Variants in STXBP6 observed in about 807,000 individuals in gnomAD.
STXBP6 encodes the protein syntaxin binding protein 6.
A neutral mutation model predicts 26.9 loss-of-function variants in STXBP6; 21 were observed. The observed-to-expected ratio is 0.78, with a 90% confidence interval of 0.55 to 1.12. The LOEUF is 1.12. Ranked by LOEUF, STXBP6 falls within the 50% of genes most tolerant of loss-of-function variation. STXBP6 has a pLI of 0.00. For synonymous variants in STXBP6, 97 were observed against 92.6 expected (o/e 1.05, Z -0.27); for missense variants, 232 against 257.9 (o/e 0.90, Z 0.69).
rs189549220 is a variant in STXBP6, at chr14:25,005,079, T to A, written c.-32-30229A>T. On this transcript the variant is annotated intron_variant, in intron 1 of 5. Transcript: ENST00000323944. ...CTGATCATAATCCCAAAAGACACAATCTCAGTGAAATCTCAAAATCCTGCA... is the reference window on the plus strand; with the variant it reads ...CTGATCATAATCCCAAAAGACACAAACTCAGTGAAATCTCAAAATCCTGCA... Among the ~76,000 whole-genome samples, 20 of 152,094 alleles carry A rather than the reference T, an allele frequency of 1.3e-4. No individual in the cohort carries two copies. In the East Asian group the frequency reaches 3.3e-3, roughly 25 times the overall value.
intron 2 of STXBP6, among the ~76,000 whole-genome samples, chr14:24,965,314 C>CA (rs950522539): frequency 8.1e-6 from 1 of 123,840 alleles, no homozygotes; most frequent in Non-Finnish European, 1.7e-5. Flanking sequence ...GCCTGTCATA[C>CA]ATACATATTA....
At chr14:24,942,580 T>C (rs4561376) in intron 2 of STXBP6, among the ~76,000 whole-genome samples, 14,537 of 152,236 alleles carry the variant, frequency 0.095, 917 homozygotes, top group East Asian at 0.26. Context: ...TCCAAGATAA[T>C]CAAACAGCTG....
At chr14:24,950,165 C>A (rs911152973) in intron 2 of STXBP6, among the ~76,000 whole-genome samples, 1 of 152,144 alleles carries the variant, frequency 6.6e-6, no homozygotes, top group East Asian at 1.9e-4. Flanking sequence ...ACCCTCCCTG[C>A]TCAATAAATA....
At chr14:24,931,138 A>C (rs1383254369) in intron 2 of STXBP6, among the ~76,000 whole-genome samples, 1 of 143,428 alleles carries the variant, frequency 7.0e-6, no homozygotes, top group African/African-American at 2.6e-5. Context: ...AAAAAAAAAA[A>C]AAAACCCAAA....
At chr14:24,950,527 T>A (rs1187894591) in intron 2 of STXBP6, among the ~76,000 whole-genome samples, 1 of 152,024 alleles carries the variant, frequency 6.6e-6, no homozygotes, top group Non-Finnish European at 1.5e-5. Context: ...CATGCAACAA[T>A]ATGGATAAAT....
intron 4 of STXBP6, among the ~76,000 whole-genome samples, chr14:24,849,346 G>A (rs375055852): frequency 3.7e-4 from 56 of 152,112 alleles, no homozygotes; most frequent in African/African-American, 1.2e-3. Flanking sequence ...CATAATTTAC[G>A]GAGAACTTTC....
intron 2 of STXBP6, 102 bp from the exon 3 acceptor site, chr14:24,857,259 T>C: frequency 6.8e-7 from 1 of 1,468,796 alleles, no homozygotes. Flanking sequence ...ATATGCACAA[T>C]AACAGAGAGA....
At chr14:24,900,402 A>G (rs2071169569) in intron 2 of STXBP6, among the ~76,000 whole-genome samples, 1 of 152,222 alleles carries the variant, frequency 6.6e-6, no homozygotes, top group Admixed American at 6.5e-5. Context: ...GGAAAGCAGT[A>G]TAAGAGTCAA....
chr14:24,953,867 A>G (rs932761552), intron 2 of STXBP6, among the ~76,000 whole-genome samples: 2 of 152,236 alleles, frequency 1.3e-5, no homozygotes, highest in African/African-American at 4.8e-5. Flanking sequence ...ATGGGCATAG[A>G]AGAGACCAAG....
intron 2 of STXBP6, among the ~76,000 whole-genome samples, chr14:24,895,702 A>C (rs1032159990): frequency 2.0e-5 from 3 of 152,226 alleles, no homozygotes; most frequent in Non-Finnish European, 4.4e-5. Context: ...CAGAACACTA[A>C]ATGTTAAAAG....
intron 4 of STXBP6, among the ~76,000 whole-genome samples, chr14:24,835,541 G>A (rs2068585888): frequency 6.6e-6 from 1 of 152,100 alleles, no homozygotes; most frequent in Admixed American, 6.5e-5. Flanking sequence ...AATAAAATTA[G>A]CCACTTAAAG....
At chr14:24,955,614 C>T (rs566593127) in intron 2 of STXBP6, among the ~76,000 whole-genome samples, 10 of 152,234 alleles carry the variant, frequency 6.6e-5, no homozygotes, top group Admixed American at 6.5e-4. Flanking sequence ...GCAACCTGAA[C>T]ATATGGCCCA....
In STXBP6 at chr14:25,045,603, TTC is replaced by T. The variant is rs201629992; in HGVS notation, c.-33+4273_-33+4274del. The stretch of plus-strand genomic sequence containing the variant: ...AATGCGTTCATACTTTTTTTTTCTT[TTC>T]TTTTTTTTTTTTTTTGAGATGGAGA... On this transcript the variant is annotated intron_variant, in intron 1 of 5. Coordinates refer to ENST00000323944, the MANE Select transcript of STXBP6 (RefSeq NM_001394410.1). Among the ~76,000 whole-genome samples, 130 of 138,418 alleles carry T rather than the reference TTC, an allele frequency of 9.4e-4. 3 individuals are homozygous for T. The highest frequency in any genetic ancestry group is 3.8e-3 in the Middle Eastern group (1 of 264). The allele number at this position is 138,418 out of a possible 152,430, so 90.8% of individuals were successfully genotyped here.
chr14:24,872,461 A>T (rs747171861), intron 2 of STXBP6, among the ~76,000 whole-genome samples: 1 of 152,124 alleles, frequency 6.6e-6, no homozygotes, highest in Non-Finnish European at 1.5e-5. Flanking sequence ...GGCACTTGAG[A>T]CCCTGTATAG....
At chr14:24,993,016 G>T (rs1488872831) in intron 1 of STXBP6, among the ~76,000 whole-genome samples, 1 of 152,094 alleles carries the variant, frequency 6.6e-6, no homozygotes, top group Non-Finnish European at 1.5e-5. Context: ...TTTCTCCACT[G>T]CTTGTATTCT....
chr14:24,831,110 G>T (rs2068442986), intron 4 of STXBP6, among the ~76,000 whole-genome samples: 1 of 152,044 alleles, frequency 6.6e-6, no homozygotes, highest in South Asian at 2.1e-4. Flanking sequence ...TAACCTCCTA[G>T]AAGAAAGCAT....
At chr14:24,900,541 T>A (rs17795885) in intron 2 of STXBP6, among the ~76,000 whole-genome samples, 24,791 of 152,178 alleles carry the variant, frequency 0.16, 2,194 homozygotes, top group South Asian at 0.25. Context: ...GGGAGTCAGA[T>A]CTCTGTTGGG....
At chr14:24,879,980 C>G (rs773442743) in intron 2 of STXBP6, among the ~76,000 whole-genome samples, 3 of 152,166 alleles carry the variant, frequency 2.0e-5, no homozygotes, top group Non-Finnish European at 4.4e-5. Flanking sequence ...TGTATACTCC[C>G]TTTCGTCATC....
intron 2 of STXBP6, among the ~76,000 whole-genome samples, chr14:24,950,903 C>T (rs1304629774): frequency 6.6e-6 from 1 of 152,046 alleles, no homozygotes; most frequent in Non-Finnish European, 1.5e-5. Context: ...GTCCCCTTCC[C>T]GACAGGCCCC....
Sources: allele counts gnomAD v4.1 joint callset (sites outside exome capture counted in the v4.1 genomes callset), GRCh38; gene constraint gnomAD v4.1.1; transcripts MANE v1.5; gene names NCBI Gene and HGNC (gene_info 2026-07-23, HGNC 2026-07-21).